Variants in RREB1 observed in about 807,000 individuals in gnomAD.
RREB1 encodes the protein ras responsive element binding protein 1.
Under a neutral mutation model 117.8 loss-of-function variants are expected in RREB1, and 27 were observed. The observed-to-expected ratio is 0.23, with a 90% CI of 0.17 to 0.32. The LOEUF is 0.32. RREB1 is among the 10% of genes least tolerant of loss of function. The pLI is 1.00. For missense variants in RREB1, 2,577 were observed against 2,378.2 expected (o/e 1.08, Z -1.74); for synonymous variants, 1,298 against 1,026.7 (o/e 1.26, Z -5.05).
At chr6:7,197,047 G>A (rs931955648) in intron 6 of RREB1, among the ~76,000 whole-genome samples, 10 of 152,178 alleles carry the variant, frequency 6.6e-5, no homozygotes, top group Non-Finnish European at 1.2e-4. Context: ...GCCAGAGCAC[G>A]CCTCTGGGAG....
intron 1 of RREB1, among the ~76,000 whole-genome samples, chr6:7,173,511 A>G (rs1223094040): frequency 2.6e-5 from 4 of 151,964 alleles, no homozygotes; most frequent in African/African-American, 9.7e-5. Flanking sequence ...GAAGAAAAAA[A>G]AAAAAAAGAA....
At chr6:7,199,678 T>G (rs1398094154) in intron 6 of RREB1, among the ~76,000 whole-genome samples, 1 of 152,120 alleles carries the variant, frequency 6.6e-6, no homozygotes, top group Non-Finnish European at 1.5e-5. Flanking sequence ...TTTTGTTTTG[T>G]TTTGAGACGG....
At chr6:7,147,293 C>T (rs1417231758) in intron 1 of RREB1, among the ~76,000 whole-genome samples, 2 of 152,110 alleles carry the variant, frequency 1.3e-5, no homozygotes, top group Non-Finnish European at 2.9e-5. Context: ...TTTTTTTCCC[C>T]CTTAGAATAC....
chr6:7,220,270 C>G (rs530861410), intron 8 of RREB1, among the ~76,000 whole-genome samples: 1 of 152,302 alleles, frequency 6.6e-6, no homozygotes, highest in Non-Finnish European at 1.5e-5. Flanking sequence ...TGTGCACTGT[C>G]TTGGTACAGA....
rs145106957 is a variant in RREB1 at position 7,248,716 on chromosome 6, G to A, written c.4977G>A (p.Leu1659=). 102 of 1,614,088 alleles carry A rather than the reference G, an allele frequency of 6.3e-5. No homozygotes were observed. Among genetic ancestry groups the A allele is most frequent in the Non-Finnish European group, 8.5e-5 (100 of 1,180,044 alleles). The change falls in exon 13 of 13, where the codon CTG becomes CTA. Residue 1659 remains leucine (L), a synonymous_variant. Coordinates refer to ENST00000379938, the MANE Select transcript of RREB1 (RefSeq NM_001003699.4). ...CCGTCTCAGAGAACGAGGCTGAGCT[G>A]GCTCCCAATGCCAGCAACCACATGG... ...NNAVSENEAE[L]APNASNHMAV... is the part of the protein sequence containing the mutation.
In RREB1 at chr6:7,246,542, G is replaced by T. The variant is rs938143340; in HGVS notation, c.4092G>T (p.Ala1364=). ...ATELRQVAGD[A]PVEQATAETA... is the part of the protein sequence containing the mutation. ...AGCTCCGCCAGGTCGCAGGGGATGCGCCTGTGGAGCAGGCCACGGCGGAAA... is the reference window on the plus strand; with the variant it reads ...AGCTCCGCCAGGTCGCAGGGGATGCTCCTGTGGAGCAGGCCACGGCGGAAA... Residue 1364 remains alanine, a synonymous_variant, in exon 12 of 13, where the codon GCG becomes GCT. Transcript: ENST00000379938. The T allele has an allele frequency of 2.6e-6, 4 of 1,547,738 alleles. No individual in the cohort carries two copies. In the African/African-American group the frequency reaches 5.5e-5, roughly 21 times the overall value.
At chr6:7,111,998 T>C (rs1288806830) in intron 1 of RREB1, among the ~76,000 whole-genome samples, 1 of 152,238 alleles carries the variant, frequency 6.6e-6, no homozygotes, top group Non-Finnish European at 1.5e-5. Flanking sequence ...TCTGTCCTGA[T>C]AAGGGGACAA....
chr6:7,122,024 T>C (rs193037990), intron 1 of RREB1, among the ~76,000 whole-genome samples: 31 of 152,340 alleles, frequency 2.0e-4, no homozygotes, highest in Admixed American at 1.9e-3. Flanking sequence ...CATCCCCTTC[T>C]GTGTGAGTTG....
chr6:7,204,943 C>A (rs1766187709), intron 6 of RREB1, among the ~76,000 whole-genome samples: 1 of 152,184 alleles, frequency 6.6e-6, no homozygotes, highest in Admixed American at 6.5e-5. Flanking sequence ...ATTTTGCCCC[C>A]AAAAGAATTT....
At chr6:7,133,622 G>GA (rs1762240113) in intron 1 of RREB1, among the ~76,000 whole-genome samples, 2 of 150,156 alleles carry the variant, frequency 1.3e-5, no homozygotes, top group South Asian at 2.1e-4. Context: ...GGAATATGAA[G>GA]AAAAAACAAG....
At chr6:7,205,733 A>G (rs1766235003) in intron 6 of RREB1, among the ~76,000 whole-genome samples, 1 of 152,212 alleles carries the variant, frequency 6.6e-6, no homozygotes, top group South Asian at 2.1e-4. Context: ...ACCAGCCTTC[A>G]GCCCTTGCAC....
chr6:7,200,240 G>GTATA, intron 6 of RREB1, among the ~76,000 whole-genome samples: 1 of 129,594 alleles, frequency 7.7e-6, no homozygotes. Flanking sequence ...ATGTATGTGT[G>GTATA]TATATGTGTG....
rs1769289442 is a variant in RREB1 at position 7,249,076 on chromosome 6, A to T, written c.*108A>T. 4.7e-6 allele frequency: 3 copies of T among 639,568 alleles called. No individual in the cohort carries two copies. Among genetic ancestry groups the T allele is most frequent in the Non-Finnish European group, 4.9e-6 (2 of 412,278 alleles). 39.6% of individuals were successfully genotyped at this position (639,568 alleles called of 1,614,324 possible). On this transcript the variant is annotated 3_prime_UTR_variant, in exon 13 of 13. Transcript: ENST00000379938. ...CTGTTGAGGAGTGAGAGAGAGAGAG[A>T]GAGAGAGAGAGAGAGAGAGAGAGAG...
In RREB1 at chr6:7,210,910, G is replaced by A. The variant is rs777399573; in HGVS notation, c.532G>A (p.Ala178Thr). The change falls in exon 7 of 13, where the codon GCC (alanine) becomes ACC (threonine). Residue 178 changes from alanine (A) to threonine (T), a missense_variant. By Grantham distance (58) the Ala-to-Thr change is moderately conservative. Transcript: ENST00000379938. ...CTCCAAGAGGAAACTGAGTCACGATGCCGAGTCAGAGAGAGAAGACCCAGC... is the reference window on the plus strand; with the variant it reads ...CTCCAAGAGGAAACTGAGTCACGATACCGAGTCAGAGAGAGAAGACCCAGC... ...LSSKRKLSHD[A>T]ESEREDPAPA... The A allele has an allele frequency of 1.2e-6, 2 of 1,614,164 alleles. No individual in the cohort carries two copies. Among genetic ancestry groups the A allele is most frequent in the Non-Finnish European group, 8.5e-7 (1 of 1,180,018 alleles).
intron 1 of RREB1, among the ~76,000 whole-genome samples, chr6:7,160,134 TA>T (rs397966157): frequency 1.3e-5 from 2 of 151,558 alleles, no homozygotes; most frequent in African/African-American, 4.9e-5. Flanking sequence ...TTTTTTTTTT[TA>T]AATGAGACAG....
intron 1 of RREB1, among the ~76,000 whole-genome samples, chr6:7,170,447 C>T (rs1402548179): frequency 6.6e-6 from 1 of 152,200 alleles, no homozygotes; most frequent in East Asian, 1.9e-4. Context: ...ACCAGGAATC[C>T]TGGCTGAAGG....
chr6:7,143,527 T>G (rs998156532), intron 1 of RREB1, among the ~76,000 whole-genome samples: 14 of 152,322 alleles, frequency 9.2e-5, no homozygotes, highest in Admixed American at 9.2e-4. Context: ...AGGTGTTGAC[T>G]CAATTATCAT....
chr6:7,123,201 A>G (rs1717845914), intron 1 of RREB1, among the ~76,000 whole-genome samples: 3 of 151,622 alleles, frequency 2.0e-5, no homozygotes, highest in Admixed American at 6.6e-5. Flanking sequence ...TCTGTTGCCC[A>G]GGCTGGAGTA....
chr6:7,237,337 T>C (rs1768398781), intron 10 of RREB1, among the ~76,000 whole-genome samples: 1 of 152,062 alleles, frequency 6.6e-6, no homozygotes, highest in Non-Finnish European at 1.5e-5. Flanking sequence ...TCCACCAGCC[T>C]CGACCTCCCA....
Sources: allele counts gnomAD v4.1 joint callset (sites outside exome capture counted in the v4.1 genomes callset), GRCh38; gene constraint gnomAD v4.1.1; transcripts MANE v1.5; gene names NCBI Gene and HGNC (gene_info 2026-07-23, HGNC 2026-07-21).